UNC79: variants seen among roughly 807,000 people sequenced by gnomAD.
UNC79 encodes the protein protein unc-79 homolog.
In UNC79, 37 loss-of-function variants were observed where a neutral mutation model predicts 283.1. The observed-to-expected ratio is 0.13, with a 90% CI of 0.10 to 0.17. The LOEUF is 0.17. Among genes scored for constraint, UNC79 ranks in the 10% least tolerant of loss-of-function variants. UNC79 has a pLI of 1.00. For missense variants in UNC79, 2,272 were observed against 3,211.1 expected (o/e 0.71, Z 7.07); for synonymous variants, 1,107 against 1,200.2 (o/e 0.92, Z 1.61).
chr14:93,671,697 G>A (rs12433057), intron 40 of UNC79, among the ~76,000 whole-genome samples: 6 of 151,996 alleles, frequency 3.9e-5, no homozygotes, highest in South Asian at 4.2e-4. Flanking sequence ...GCTTGAACCC[G>A]GGAGGCAGAG....
chr14:93,428,821 A>G (rs1231901490), upstream of UNC79, among the ~76,000 whole-genome samples: 1 of 152,222 alleles, frequency 6.6e-6, no homozygotes, highest in Non-Finnish European at 1.5e-5. Context: ...CAGTCGAGGC[A>G]TGGAGAAGTT....
Position 93,669,688 on chromosome 14 carries a change from A to G in UNC79, c.6637-3663A>G, listed in dbSNP as rs192491947. Among the ~76,000 whole-genome samples the G allele has an allele frequency of 5.9e-5, 9 of 152,152 alleles. 1 individual carries two copies. The highest frequency in any genetic ancestry group is 1.3e-4 in the Admixed American group (2 of 15,272). ...GGCAAAACCTCGTCTCTATAAAAAAATTTTAAAAAAATTAGCTGGGCATGG... is the reference window on the plus strand; with the variant it reads ...GGCAAAACCTCGTCTCTATAAAAAAGTTTTAAAAAAATTAGCTGGGCATGG... On this transcript the variant is annotated intron_variant, in intron 40 of 48. Coordinates refer to ENST00000555664, the Ensembl canonical transcript of UNC79.
intron 14 of UNC79, among the ~76,000 whole-genome samples, chr14:93,565,296 C>T (rs962758882): frequency 2.0e-5 from 3 of 152,186 alleles, no homozygotes; most frequent in Non-Finnish European, 2.9e-5. Context: ...CATTTTGTTG[C>T]AGCCCTTAAT....
At chr14:93,704,524 G>T (rs745322111) in intron 47 of UNC79, 101 bp from the exon 51 acceptor site, 34 of 1,365,940 alleles carry the variant, frequency 2.5e-5, no homozygotes, top group Non-Finnish European at 3.2e-5. Context: ...CGTGCGCGAC[G>T]TGAAAGGGAT....
intron 1 of UNC79, among the ~76,000 whole-genome samples, chr14:93,373,117 A>G (rs2054487664): frequency 6.6e-6 from 1 of 152,250 alleles, no homozygotes; most frequent in Admixed American, 6.5e-5. Flanking sequence ...TTTTGAGCTA[A>G]TGAAAATGAG....
intron 1 of UNC79, among the ~76,000 whole-genome samples, chr14:93,460,199 G>A (rs749185154): frequency 5.1e-4 from 30 of 58,702 alleles, no homozygotes; most frequent in Non-Finnish European, 8.2e-4. Context: ...CCAAGATTCC[G>A]TCTCAAAAAA....
intron 1 of UNC79, among the ~76,000 whole-genome samples, chr14:93,413,041 T>C (rs1468256626): frequency 6.6e-6 from 1 of 152,110 alleles, no homozygotes; most frequent in Non-Finnish European, 1.5e-5. Context: ...ATTTTTTTTA[T>C]TATTATTATA....
chr14:93,476,878 G>A (rs1428215547), intron 3 of UNC79, among the ~76,000 whole-genome samples: 3 of 152,126 alleles, frequency 2.0e-5, no homozygotes, highest in Non-Finnish European at 4.4e-5. Context: ...GCTAATATTT[G>A]TGGAGCACAC....
upstream of UNC79, among the ~76,000 whole-genome samples, chr14:93,429,883 A>G (rs569230905): frequency 6.6e-6 from 1 of 152,306 alleles, no homozygotes; most frequent in South Asian, 2.1e-4. Flanking sequence ...GCAAGGTTTT[A>G]ATGTTCCCAT....
intron 1 of UNC79, among the ~76,000 whole-genome samples, chr14:93,346,019 A>T (rs2053819623): frequency 6.6e-6 from 1 of 151,328 alleles, no homozygotes; most frequent in Non-Finnish European, 1.5e-5. Flanking sequence ...AAAATCTCTG[A>T]AGGACAATGA....
chr14:93,506,412 G>T (rs968957466), intron 7 of UNC79, among the ~76,000 whole-genome samples: 1 of 151,716 alleles, frequency 6.6e-6, no homozygotes, highest in Admixed American at 6.6e-5. Flanking sequence ...TAGTAGAGAC[G>T]GGATTTCACC....
At chr14:93,661,884 C>G (rs1398091553) in intron 39 of UNC79, among the ~76,000 whole-genome samples, 1 of 152,124 alleles carries the variant, frequency 6.6e-6, no homozygotes. Context: ...ACCCTTGTGT[C>G]AGAATTTAGT....
At chr14:93,672,066 A>T (rs556509286) in intron 40 of UNC79, among the ~76,000 whole-genome samples, 3 of 152,266 alleles carry the variant, frequency 2.0e-5, no homozygotes, top group African/African-American at 7.2e-5. Flanking sequence ...AGAAAAGGGA[A>T]CTCTTGCGCC....
chr14:93,406,345 G>A (rs1014575253), intron 1 of UNC79, among the ~76,000 whole-genome samples: 4 of 152,122 alleles, frequency 2.6e-5, no homozygotes, highest in African/African-American at 9.7e-5. Flanking sequence ...CACTTTGGGG[G>A]TCTTAGGCAG....
At chr14:93,494,533 C>CT (rs1435923244) in intron 5 of UNC79, among the ~76,000 whole-genome samples, 1 of 152,154 alleles carries the variant, frequency 6.6e-6, no homozygotes, top group Non-Finnish European at 1.5e-5. Flanking sequence ...TATTATGGGT[C>CT]TGGAGCTCAG....
intron 7 of UNC79, among the ~76,000 whole-genome samples, chr14:93,513,133 A>G (rs2059902824): frequency 6.6e-6 from 1 of 152,050 alleles, no homozygotes; most frequent in South Asian, 2.1e-4. Flanking sequence ...AGTCTTTTAA[A>G]ACAAATTTTA....
At chr14:93,347,443 G>T in intron 1 of UNC79, 16 of 1,409,290 alleles carry the variant, frequency 1.1e-5, no homozygotes, top group Non-Finnish European at 1.5e-5. Flanking sequence ...CGTGGCCCTG[G>T]CGGGGCGCCC....
At chr14:93,562,196 G>A (rs763391457) in intron 14 of UNC79, among the ~76,000 whole-genome samples, 1 of 152,106 alleles carries the variant, frequency 6.6e-6, no homozygotes, top group Non-Finnish European at 1.5e-5. Flanking sequence ...GGCAGTTGGG[G>A]TACTATAGAT....
At chr14:93,399,830 G>T (rs2055070289) in intron 1 of UNC79, among the ~76,000 whole-genome samples, 2 of 152,126 alleles carry the variant, frequency 1.3e-5, no homozygotes, top group Admixed American at 1.3e-4. Flanking sequence ...CAGATTTCCT[G>T]CATATATACA....
Sources: allele counts gnomAD v4.1 joint callset (sites outside exome capture counted in the v4.1 genomes callset), GRCh38; gene constraint gnomAD v4.1.1; transcripts MANE v1.5; gene names NCBI Gene and HGNC (gene_info 2026-07-23, HGNC 2026-07-21).